The following PIH1D2 variants were observed in gnomAD, a reference collection of about 807,000 sequenced individuals.
PIH1D2 encodes PIH1 domain-containing protein 2.
PIH1D2 carries 25 observed loss-of-function variants against 31.2 expected under a neutral mutation model. The ratio of observed to expected loss-of-function variants is 0.80; its 90% CI spans 0.58 to 1.12. PIH1D2 has a LOEUF of 1.12. PIH1D2 is among the 50% of genes most tolerant of loss of function. The pLI is 0.00. For missense variants in PIH1D2, 310 were observed against 356.6 expected (o/e 0.87, Z 1.05); for synonymous variants, 116 against 119.9 (o/e 0.97, Z 0.21).
chr11:112,072,853 ACT>A (rs1865174657), intron 2 of PIH1D2, 143 bp downstream of exon 2: 2 of 924,040 alleles, frequency 2.2e-6, no homozygotes, highest in African/African-American at 1.7e-5. Flanking sequence ...ACAAAGTAAG[ACT>A]CTGTCTCAAA....
downstream of PIH1D2, chr11:112,064,225 G>A: frequency 1.3e-6 from 2 of 1,551,294 alleles, no homozygotes; most frequent in East Asian, 2.3e-5. Context: ...TTGTTCCCTT[G>A]AAAAAAAATA....
At chr11:112,069,072 C>G (rs1273986012) in intron 5 of PIH1D2, among the ~76,000 whole-genome samples, 1 of 143,798 alleles carries the variant, frequency 7.0e-6, no homozygotes, top group African/African-American at 2.6e-5. Context: ...GATCTTGGCT[C>G]ACTGCAACTT....
chr11:112,055,848 CTTTTTTTTTTTTTTTTTTTTTTT>C, the PIH1D2 span, among the ~76,000 whole-genome samples: 40 of 31,990 alleles, frequency 1.3e-3, no homozygotes, highest in South Asian at 4.1e-3. Context: ...CATATAGACA[CTTTTTTTTTTTTTTTTTTTTTTT>C]TTTTTTTTTT....
chr11:112,066,768 T>C (rs1555183896), downstream of PIH1D2, among the ~76,000 whole-genome samples: 2 of 152,010 alleles, frequency 1.3e-5, no homozygotes, highest in Non-Finnish European at 2.9e-5. Context: ...TTAACTGAAG[T>C]ACAGAGGTTA....
At chr11:112,065,622 C>T (rs1555183753), downstream of PIH1D2, among the ~76,000 whole-genome samples, 1 of 151,882 alleles carries the variant, frequency 6.6e-6, no homozygotes, top group African/African-American at 2.4e-5. Flanking sequence ...CAGGCCAGGC[C>T]TTCAAAAAGG....
downstream of PIH1D2, among the ~76,000 whole-genome samples, chr11:112,066,541 G>A (rs1864932727): frequency 6.6e-6 from 1 of 151,890 alleles, no homozygotes; most frequent in South Asian, 2.1e-4. Flanking sequence ...GGGAGGCTGA[G>A]GCAGGAGAAA....
chr11:112,056,716 T>C, the PIH1D2 span, among the ~76,000 whole-genome samples: 1 of 152,238 alleles, frequency 6.6e-6, no homozygotes, highest in African/African-American at 2.4e-5. Flanking sequence ...AGTCATAGGG[T>C]AAAATTATGT....
chr11:112,055,466 G>A, the PIH1D2 span, among the ~76,000 whole-genome samples: 3 of 151,636 alleles, frequency 2.0e-5, no homozygotes, highest in African/African-American at 7.3e-5. Context: ...GGATGGTCTC[G>A]ATCTCCTGAC....
At chr11:112,070,928 A>G (rs1167666131) in intron 4 of PIH1D2, 110 bp downstream of exon 4, 5 of 1,323,840 alleles carry the variant, frequency 3.8e-6, no homozygotes, top group Non-Finnish European at 5.1e-6. Context: ...GCATTTTTCT[A>G]TCTTAAGTTT....
rs782407707 is a variant in PIH1D2 at position 112,071,674 on chromosome 11, G to C, written c.262C>G (p.Leu88Val). The change falls in exon 3 of 6, where the codon CTA (leucine) becomes GTA (valine). Residue 88 changes from leucine (L) to valine (V), a missense_variant. Transcript: ENST00000280350. Reference protein sequence around the residue: ...APQSTTHPVPLTVGKPEDTTE... With the variant: ...APQSTTHPVPVTVGKPEDTTE... Reference sequence around the variant, plus strand: ...GTATCTTCTGGTTTGCCAACAGTTAGAGGTACTGGATGAGTGGTTGATTGG... The same window carrying C: ...GTATCTTCTGGTTTGCCAACAGTTACAGGTACTGGATGAGTGGTTGATTGG... The C allele has an allele frequency of 5.6e-6, 9 of 1,613,520 alleles. No homozygotes were observed. In the East Asian group the frequency reaches 1.8e-4, roughly 32 times the overall value.
chr11:112,054,430 A>G, the PIH1D2 span, among the ~76,000 whole-genome samples: 1 of 152,208 alleles, frequency 6.6e-6, no homozygotes, highest in Non-Finnish European at 1.5e-5. Context: ...ATTGTGTATG[A>G]CTAAGACATG....
downstream of PIH1D2, chr11:112,061,088 C>A (rs119103240): frequency 3.7e-6 from 6 of 1,613,398 alleles, no homozygotes; most frequent in South Asian, 2.2e-5. Context: ...TTAAGAATTT[C>A]TCTGCTATTA....
intron 2 of PIH1D2, among the ~76,000 whole-genome samples, chr11:112,072,215 T>A (rs1030361880): frequency 6.6e-6 from 1 of 152,158 alleles, no homozygotes; most frequent in Non-Finnish European, 1.5e-5. Flanking sequence ...TTGATTATAC[T>A]GTTGTTATTT....
downstream of PIH1D2, chr11:112,062,305 C>T (rs1864683045): frequency 8.0e-7 from 1 of 1,254,226 alleles, no homozygotes; most frequent in Non-Finnish European, 1.2e-6. Flanking sequence ...GGAAGTATTA[C>T]CTGGTTGGGA....
chr11:112,072,892 AAAAAAAAC>A, intron 2 of PIH1D2, 98 bp downstream of exon 2: 9 of 1,206,956 alleles, frequency 7.5e-6, no homozygotes, highest in Admixed American at 2.8e-5. Context: ...AACAAAACAA[AAAAAAAAC>A]AAAAAAAATT....
chr11:112,053,630 G>C, the PIH1D2 span, among the ~76,000 whole-genome samples: 1 of 151,888 alleles, frequency 6.6e-6, no homozygotes, highest in Non-Finnish European at 1.5e-5. Context: ...TTTTTTTGTA[G>C]TTTTAGTAGA....
chr11:112,057,900 T>C, the PIH1D2 span, among the ~76,000 whole-genome samples: 1 of 152,242 alleles, frequency 6.6e-6, no homozygotes, highest in Non-Finnish European at 1.5e-5. Context: ...TATTTTTAAA[T>C]TAAGGTGTAT....
At chr11:112,060,358 C>T (rs1340302165), downstream of PIH1D2, among the ~76,000 whole-genome samples, 1 of 151,720 alleles carries the variant, frequency 6.6e-6, no homozygotes, top group Non-Finnish European at 1.5e-5. Flanking sequence ...GACTGGTTTT[C>T]ACCATGTTGG....
At chr11:112,054,820 CTT>C in the PIH1D2 span, among the ~76,000 whole-genome samples, 1 of 152,168 alleles carries the variant, frequency 6.6e-6, no homozygotes, top group Non-Finnish European at 1.5e-5. Flanking sequence ...GAGAAGAATC[CTT>C]CCTTGCCTTT....
Sources: allele counts gnomAD v4.1 joint callset (sites outside exome capture counted in the v4.1 genomes callset), GRCh38; gene constraint gnomAD v4.1.1; transcripts MANE v1.5; gene names NCBI Gene and HGNC (gene_info 2026-07-23, HGNC 2026-07-21).